Variants in CSMD1 observed in about 807,000 individuals in gnomAD.
CSMD1 encodes the protein CUB and Sushi multiple domains 1.
A neutral mutation model predicts 417.5 loss-of-function variants in CSMD1; 213 were observed. The ratio of observed to expected loss-of-function variants is 0.51; its 90% CI spans 0.46 to 0.57. CSMD1 has a LOEUF of 0.57. CSMD1 is among the 20% of genes least tolerant of loss of function. The pLI is 0.00. For missense variants in CSMD1, 6,923 were observed against 4,529.7 expected (o/e 1.53, Z -15.17); for synonymous variants, 2,862 against 1,736.8 (o/e 1.65, Z -16.11).
chr8:3,843,598 A>G lies in CSMD1; in HGVS notation c.819-89556T>C, dbSNP rs189284329. On this transcript the variant is annotated intron_variant, in intron 5 of 69. Transcript: ENST00000635120. The stretch of plus-strand genomic sequence containing the variant: ...CAATGCATCCAGTTGGAAGTTTAAT[A>G]TTTGAATATTTTAAAGAGAAATTTG... Among the ~76,000 whole-genome samples the G allele has an allele frequency of 2.3e-3, 357 of 152,292 alleles. 1 individual carries two copies. The highest frequency in any genetic ancestry group is 0.01 in the Middle Eastern group (3 of 294).
intron 5 of CSMD1, among the ~76,000 whole-genome samples, chr8:3,961,952 A>G (rs1812358078): frequency 6.6e-6 from 1 of 152,182 alleles, no homozygotes; most frequent in Non-Finnish European, 1.5e-5. Flanking sequence ...CAAATACCAC[A>G]TATTGAAAGG....
chr8:4,693,063 A>G (rs1357692613), intron 1 of CSMD1, among the ~76,000 whole-genome samples: 1 of 152,130 alleles, frequency 6.6e-6, no homozygotes, highest in African/African-American at 2.4e-5. Flanking sequence ...GATACTGACT[A>G]CACTACACAG....
intron 49 of CSMD1, 108 bp from the exon 50 acceptor site, chr8:3,052,755 A>ATT (rs1344279713): frequency 1.3e-6 from 1 of 782,626 alleles, no homozygotes; most frequent in Non-Finnish European, 1.9e-6. Flanking sequence ...TTTCATTAAA[A>ATT]TTGTGAATTA....
At chr8:3,563,269 C>A (rs1008659360) in intron 10 of CSMD1, among the ~76,000 whole-genome samples, 5 of 151,912 alleles carry the variant, frequency 3.3e-5, no homozygotes, top group African/African-American at 1.2e-4. Context: ...ACTTTTCTCA[C>A]ACTCCTTCCC....
At chr8:4,056,132 A>C (rs1798678613) in intron 3 of CSMD1, among the ~76,000 whole-genome samples, 2 of 129,028 alleles carry the variant, frequency 1.6e-5, no homozygotes. Context: ...CCCAAGCTGC[A>C]ATACAGTGGC....
chr8:3,740,861 G>C (rs985486644), intron 6 of CSMD1, among the ~76,000 whole-genome samples: 2 of 152,100 alleles, frequency 1.3e-5, no homozygotes, highest in Non-Finnish European at 2.9e-5. Context: ...ATAGCAGAGA[G>C]GATGAGGCAG....
chr8:3,439,309 A>ATATATATTTTTTTTTTT, intron 12 of CSMD1, among the ~76,000 whole-genome samples: 3 of 62,474 alleles, frequency 4.8e-5, no homozygotes, highest in Non-Finnish European at 8.6e-5. Flanking sequence ...ATATATATAT[A>ATATATATTTTTTTTTTT]TTTTTTTTTT....
chr8:3,502,159 T>C (rs1344729171), intron 10 of CSMD1, among the ~76,000 whole-genome samples: 1 of 151,680 alleles, frequency 6.6e-6, no homozygotes, highest in Non-Finnish European at 1.5e-5. Context: ...GGTCAGGAGA[T>C]CGAGACCATA....
At chr8:4,355,771 A>G (rs3990909) in intron 3 of CSMD1, among the ~76,000 whole-genome samples, 122,876 of 152,156 alleles carry the variant, frequency 0.81, 50,237 homozygotes, top group African/African-American at 0.94. Context: ...CTCCAGTGTC[A>G]TTCATGGGTA....
chr8:3,179,156 A>G lies in CSMD1; in HGVS notation c.5725+1954T>C, dbSNP rs576387976. Among the ~76,000 whole-genome samples the G allele has an allele frequency of 1.5e-3, 223 of 151,490 alleles. 2 individuals are homozygous for G. Among genetic ancestry groups the G allele is most frequent in the Non-Finnish European group, 2.1e-3 (140 of 67,922 alleles). On this transcript the variant is annotated intron_variant, in intron 37 of 69. Coordinates refer to ENST00000635120, the MANE Select transcript of CSMD1 (RefSeq NM_033225.6). ...GATACGGGGTTTCAACGTGTTAGCC[A>G]GGACTGTCTCGATCTCCTGACCTCG...
intron 29 of CSMD1, among the ~76,000 whole-genome samples, chr8:3,217,289 C>A (rs115340782): frequency 6.6e-6 from 1 of 152,204 alleles, no homozygotes; most frequent in Non-Finnish European, 1.5e-5. Flanking sequence ...CACTGGAGAG[C>A]TTTTAAAACC....
intron 6 of CSMD1, among the ~76,000 whole-genome samples, chr8:3,741,167 T>C (rs1353950079): frequency 7.3e-6 from 1 of 136,462 alleles, no homozygotes; most frequent in Admixed American, 8.6e-5. Context: ...TGAGCTGAGA[T>C]CGTGCTATTG....
intron 3 of CSMD1, among the ~76,000 whole-genome samples, chr8:4,230,440 A>T (rs1040498597): frequency 6.6e-6 from 1 of 152,202 alleles, no homozygotes; most frequent in African/African-American, 2.4e-5. Context: ...GACTTAACAT[A>T]TTTATTAAAT....
chr8:3,880,559 T>A (rs1028165315), intron 5 of CSMD1, among the ~76,000 whole-genome samples: 2 of 152,212 alleles, frequency 1.3e-5, no homozygotes, highest in Non-Finnish European at 2.9e-5. Context: ...TCAGTAGCAT[T>A]GTGAATAGCC....
At chr8:3,243,018 C>T (rs1299527163) in intron 26 of CSMD1, among the ~76,000 whole-genome samples, 1 of 151,938 alleles carries the variant, frequency 6.6e-6, no homozygotes, top group Admixed American at 6.6e-5. Flanking sequence ...AGTTTTGAGT[C>T]CACGGATAAA....
chr8:4,697,884 G>T (rs1286524935), intron 1 of CSMD1, among the ~76,000 whole-genome samples: 1 of 152,074 alleles, frequency 6.6e-6, no homozygotes, highest in Non-Finnish European at 1.5e-5. Flanking sequence ...AATATGTAAA[G>T]GACCATTTTT....
rs1491013055 is a variant in CSMD1, at chr8:4,270,346, C to CT, written c.415+149606dup. 3.4e-5 allele frequency among the ~76,000 whole-genome samples: 5 copies of CT among 145,788 alleles called. No homozygotes were observed. In the East Asian group the frequency reaches 9.6e-4, roughly 28 times the overall value. ...TTATTAACAAACCACGATTCACACT[C>CT]TGTTTCCACTTCATCTCCTGTTCTC... On this transcript the variant is annotated intron_variant, in intron 3 of 69. Coordinates refer to ENST00000635120, the MANE Select transcript of CSMD1 (RefSeq NM_033225.6).
chr8:4,865,487 T>C (rs1168427392), intron 1 of CSMD1, among the ~76,000 whole-genome samples: 1 of 151,822 alleles, frequency 6.6e-6, no homozygotes, highest in Non-Finnish European at 1.5e-5. Flanking sequence ...CTTCAGTAGG[T>C]TTCCTCGTAC....
intron 10 of CSMD1, among the ~76,000 whole-genome samples, chr8:3,518,461 A>G (rs1287160801): frequency 6.6e-6 from 1 of 152,202 alleles, no homozygotes; most frequent in Non-Finnish European, 1.5e-5. Context: ...ACATAGAAAC[A>G]ATATTGCTTT....
Sources: gnomAD v4.1 joint callset for allele counts (sites outside exome capture counted in the v4.1 genomes callset) on GRCh38, gnomAD v4.1.1 for gene constraint, MANE v1.5 for transcripts, NCBI Gene and HGNC (gene_info 2026-07-23, HGNC 2026-07-21) for gene names.